The following GGT1 variants were observed in gnomAD, a reference collection of about 807,000 sequenced individuals.
The protein encoded by GGT1 is gamma-glutamyltransferase 1.
GGT1 carries 21 observed loss-of-function variants against 56.0 expected under a neutral mutation model. The ratio of observed to expected loss-of-function variants is 0.38; its 90% CI spans 0.27 to 0.54. The LOEUF (loss-of-function observed/expected upper bound fraction) is 0.54. Among genes scored for constraint, GGT1 ranks in the 20% least tolerant of loss-of-function variants. The pLI, the probability that GGT1 is intolerant of heterozygous loss-of-function variation, is 0.82. For missense variants in GGT1, 466 were observed against 787.0 expected (o/e 0.59, Z 4.88); for synonymous variants, 238 against 342.6 (o/e 0.69, Z 3.37).
intron 5 of GGT1, among the ~76,000 whole-genome samples, chr22:24,613,762 AG>A (rs199683165): frequency 0.028 from 3,911 of 141,914 alleles, 202 homozygotes; most frequent in African/African-American, 0.11. Context: ...AAAAAAAAAA[AG>A]AAAGAAAAGA....
intron 1 of GGT1, chr22:24,607,728 A>T (rs1234586815): frequency 7.3e-6 from 2 of 275,856 alleles, no homozygotes; most frequent in African/African-American, 4.6e-5. Flanking sequence ...GGTCTCTTGG[A>T]CTAGGTAAGC....
At chr22:24,609,716 A>G in intron 2 of GGT1, 1 of 294,598 alleles carries the variant, frequency 3.4e-6, no homozygotes, top group Non-Finnish European at 7.2e-6. Context: ...AACCTCTGTC[A>G]CCACATCCCT....
At chr22:24,601,488 T>C (rs902586583), upstream of GGT1, among the ~76,000 whole-genome samples, 3 of 152,194 alleles carry the variant, frequency 2.0e-5, no homozygotes, top group African/African-American at 7.2e-5. Context: ...TCCCTTCCCC[T>C]CTCAGGCTGC....
rs917133470 is a variant in GGT1 at position 24,623,799 on chromosome 22, G to T, written c.903G>T (p.Glu301Asp). The T allele has an allele frequency of 3.1e-6, 5 of 1,611,790 alleles. No individual in the cohort carries two copies. In the African/African-American group the frequency reaches 6.7e-5, roughly 22 times the overall value. ...NILKGYNFSR[E>D]SVESPEQKGL... is the part of the protein sequence containing the mutation. ...AACCAGGGTACAACTTCTCCCGGGA[G>T]AGCGTGGAGAGCCCCGAGCAGAAGG... The change falls in exon 11 of 16, where the codon GAG becomes GAT. Residue 301 changes from glutamate (E) to aspartate (D), a missense_variant. Glu to Asp is a conservative substitution (Grantham distance 45). Coordinates refer to ENST00000400382, the MANE Select transcript of GGT1 (RefSeq NM_001288833.2).
chr22:24,592,301 C>T (rs1021561237), upstream of GGT1: 17 of 468,850 alleles, frequency 3.6e-5, no homozygotes, highest in Admixed American at 7.1e-5. Context: ...GGGCATGAGC[C>T]GCCTGTTGGA....
intron 7 of GGT1, among the ~76,000 whole-genome samples, chr22:24,615,348 G>A (rs559510902): frequency 1.3e-5 from 2 of 152,162 alleles, no homozygotes; most frequent in Admixed American, 6.5e-5. Context: ...GGCCTCCGGG[G>A]CCACTCTGTG....
At chr22:24,595,491 C>T (rs567251201) in intron 1 of GGT1, among the ~76,000 whole-genome samples, 3 of 152,182 alleles carry the variant, frequency 2.0e-5, no homozygotes, top group Non-Finnish European at 4.4e-5. Flanking sequence ...GGAGGGATTG[C>T]GATGTTGTCC....
upstream of GGT1, chr22:24,589,869 G>A (rs754375269): frequency 7.4e-6 from 12 of 1,613,988 alleles, no homozygotes; most frequent in Non-Finnish European, 1.0e-5. Flanking sequence ...GCAGGTCATG[G>A]GAGATGGGGT....
rs1474902836 is a variant in GGT1 at position 24,627,639 on chromosome 22, C to T, written c.1208+20C>T. 1.3e-6 allele frequency: 2 copies of T among 1,577,170 alleles called. No individual in the cohort carries two copies. Among genetic ancestry groups the T allele is most frequent in the Non-Finnish European group, 8.6e-7 (1 of 1,162,376 alleles). ...CCTCTAGTAGGGGCTGCTGGGCCGCCTGGGTGGGAAAGGGCCAGGGGCGGG... is the reference window on the plus strand; with the variant it reads ...CCTCTAGTAGGGGCTGCTGGGCCGCTTGGGTGGGAAAGGGCCAGGGGCGGG... On this transcript the variant is annotated intron_variant, in intron 12 of 15. Coordinates refer to ENST00000400382, the MANE Select transcript of GGT1 (RefSeq NM_001288833.2).
chr22:24,610,910 T>C (rs1310834974), intron 4 of GGT1, among the ~76,000 whole-genome samples, 165 bp from the exon 5 acceptor site: 2 of 151,676 alleles, frequency 1.3e-5, no homozygotes, highest in African/African-American at 2.4e-5. Context: ...GGGCATGGCC[T>C]GCGCAAAGGT....
intron 9 of GGT1, 50 bp downstream of exon 9, chr22:24,621,120 C>A: frequency 6.5e-7 from 1 of 1,544,090 alleles, no homozygotes; most frequent in Non-Finnish European, 8.7e-7. Flanking sequence ...CAGTGGAAAC[C>A]CTGAGCTGTA....
intron 1 of GGT1, among the ~76,000 whole-genome samples, chr22:24,605,217 A>G (rs1389005625): frequency 1.5e-5 from 1 of 65,044 alleles, no homozygotes; most frequent in Non-Finnish European, 2.5e-5. Context: ...TATATTATAT[A>G]TTATATAATA....
At chr22:24,588,669 G>C in the GGT1 span, 1 of 1,118,264 alleles carries the variant, frequency 8.9e-7, no homozygotes, top group East Asian at 5.7e-5. Context: ...AGCACCCTTC[G>C]GGGACTTGCC....
chr22:24,615,017 C>T (rs1165626773), intron 6 of GGT1, 24 bp from the exon 7 acceptor site: 3 of 1,603,698 alleles, frequency 1.9e-6, no homozygotes, highest in Admixed American at 1.7e-5. Flanking sequence ...GTGGGCGGGC[C>T]TGCCTACCTG....
At chr22:24,592,746 C>A (rs370531051), upstream of GGT1, 420 of 1,283,676 alleles carry the variant, frequency 3.3e-4, 3 homozygotes, top group African/African-American at 5.7e-3. Context: ...GAGACCAGCT[C>A]CGCCTCGCCT....
chr22:24,586,822 C>T, the GGT1 span, among the ~76,000 whole-genome samples: 20 of 152,372 alleles, frequency 1.3e-4, 1 homozygote, highest in East Asian at 1.5e-3. Flanking sequence ...TGAGCCACTG[C>T]GCCCGGGCCC....
chr22:24,592,964 C>T, upstream of GGT1: 1 of 1,189,608 alleles, frequency 8.4e-7, no homozygotes, highest in Admixed American at 4.5e-5. Context: ...TCGTAGGGCG[C>T]GGGCCCGCAG....
intron 11 of GGT1, among the ~76,000 whole-genome samples, chr22:24,626,003 C>A (rs199826896): frequency 7.4e-6 from 1 of 135,922 alleles, no homozygotes; most frequent in Non-Finnish European, 1.5e-5. Context: ...ATTTTTGAGA[C>A]GGAGTCTCGC....
chr22:24,583,785 C>T, the GGT1 span: 3 of 470,996 alleles, frequency 6.4e-6, no homozygotes, highest in African/African-American at 4.0e-5. Context: ...GGAACACCAG[C>T]TCGGGTCCTC....
Sources: gnomAD v4.1 joint callset for allele counts (sites outside exome capture counted in the v4.1 genomes callset) on GRCh38, gnomAD v4.1.1 for gene constraint, MANE v1.5 for transcripts, NCBI Gene and HGNC (gene_info 2026-07-23, HGNC 2026-07-21) for gene names.